Variants in CSMD3 observed in about 807,000 individuals in gnomAD.
CSMD3 encodes CUB and Sushi multiple domains 3.
A neutral mutation model predicts 435.2 loss-of-function variants in CSMD3; 177 were observed. That is an observed-to-expected ratio of 0.41 (90% CI 0.36 to 0.46). The LOEUF (loss-of-function observed/expected upper bound fraction) is 0.46. Ranked by LOEUF, CSMD3 falls within the 20% of genes least tolerant of loss-of-function variation. The pLI is 0.34. For missense variants in CSMD3, 4,265 were observed against 4,504.6 expected, an observed-to-expected ratio of 0.95 and a Z score of 1.52; for synonymous variants, 1,656 against 1,520.5, an observed-to-expected ratio of 1.09 and a Z score of -2.07.
At chr8:112,485,118 A>T (rs1300290934) in intron 31 of CSMD3, among the ~76,000 whole-genome samples, 4 of 152,164 alleles carry the variant, frequency 2.6e-5, no homozygotes, top group South Asian at 2.1e-4. Flanking sequence ...ACTGTCAGAA[A>T]AATAGCAAGT....
At chr8:112,353,105 G>A (rs1826280316) in intron 38 of CSMD3, among the ~76,000 whole-genome samples, 1 of 151,954 alleles carries the variant, frequency 6.6e-6, no homozygotes, top group Non-Finnish European at 1.5e-5. Flanking sequence ...AATCAAAAAG[G>A]AGAGGCCAAG....
intron 4 of CSMD3, among the ~76,000 whole-genome samples, chr8:113,105,201 T>C (rs908054356): frequency 1.3e-5 from 2 of 151,856 alleles, no homozygotes; most frequent in Non-Finnish European, 2.9e-5. Flanking sequence ...GAAAAATATA[T>C]ATAATAACTG....
chr8:112,794,932 A>G (rs1300239335), intron 13 of CSMD3, among the ~76,000 whole-genome samples: 1 of 152,176 alleles, frequency 6.6e-6, no homozygotes, highest in Non-Finnish European at 1.5e-5. Context: ...CTAACAAAAT[A>G]TAAGTGACCA....
intron 4 of CSMD3, among the ~76,000 whole-genome samples, chr8:113,125,969 T>G (rs553994707): frequency 6.6e-6 from 1 of 152,120 alleles, no homozygotes; most frequent in African/African-American, 2.4e-5. Context: ...AGGATAGGTA[T>G]GCATGAAAAA....
In CSMD3 at chr8:112,960,184, C is replaced by CT. The variant is rs923048760; in HGVS notation, c.1343-5424dup. 1.2e-3 allele frequency among the ~76,000 whole-genome samples: 171 copies of CT among 145,668 alleles called. 2 individuals carry two copies. Among genetic ancestry groups the CT allele is most frequent in the South Asian group, 5.9e-3 (27 of 4,614 alleles). ...GAAGTCAGCAAGTACAAAAATTTAA[C>CT]TTTTTTTTTTTTCTACATCCTGTAC... On this transcript the variant is annotated intron_variant, in intron 7 of 70. Transcript: ENST00000297405.
chr8:112,470,646 T>C (rs1586431975), intron 32 of CSMD3, among the ~76,000 whole-genome samples: 1 of 152,106 alleles, frequency 6.6e-6, no homozygotes, highest in East Asian at 1.9e-4. Flanking sequence ...ATGTATATAA[T>C]ATATATATCT....
At chr8:113,065,414 T>C (rs548025934) in intron 5 of CSMD3, among the ~76,000 whole-genome samples, 11 of 151,836 alleles carry the variant, frequency 7.2e-5, no homozygotes, top group Admixed American at 7.2e-4. Flanking sequence ...TCAGACGGAG[T>C]CTCGCTCTGT....
intron 13 of CSMD3, among the ~76,000 whole-genome samples, chr8:112,748,196 A>G (rs2077484881): frequency 6.6e-6 from 1 of 152,150 alleles, no homozygotes; most frequent in African/African-American, 2.4e-5. Flanking sequence ...CTGAGGAGAG[A>G]GAAGCTAAGT....
intron 38 of CSMD3, among the ~76,000 whole-genome samples, chr8:112,357,460 A>G (rs567941322): frequency 2.0e-5 from 3 of 152,186 alleles, no homozygotes; most frequent in African/African-American, 7.2e-5. Context: ...TCTGAGGAGA[A>G]ATTCAAGCCA....
In CSMD3 at chr8:112,829,773, A is replaced by G; in HGVS notation, c.1772T>C (p.Phe591Ser). The G allele has an allele frequency of 6.2e-7, 1 of 1,608,020 alleles. No individual in the cohort carries two copies. Among genetic ancestry groups the G allele is most frequent in the Non-Finnish European group, 8.5e-7 (1 of 1,174,636 alleles). Residue 591 changes from phenylalanine to serine, a missense_variant, in exon 12 of 71, where the codon TTT (phenylalanine) becomes TCT (serine). By Grantham distance (155) the Phe-to-Ser change is radical. This residue lies in a region of CSMD3 where 731 missense variants were observed against 755.4 expected (regional missense o/e 0.97). Transcript: ENST00000297405. ...VNTNKVIQIN[F>S]EEFDLEIGYD... The stretch of plus-strand genomic sequence containing the variant: ...GCCAATCTCCAGATCAAATTCTTCA[A>G]AATTTATCTGGATAACCTAGCAGTA...
At chr8:112,531,802 T>C (rs1356012051) in intron 27 of CSMD3, among the ~76,000 whole-genome samples, 1 of 152,112 alleles carries the variant, frequency 6.6e-6, no homozygotes, top group Non-Finnish European at 1.5e-5. Flanking sequence ...AACTCTGAAA[T>C]GCCCAGACAT....
intron 3 of CSMD3, among the ~76,000 whole-genome samples, chr8:113,224,592 G>A (rs753671406): frequency 1.3e-5 from 2 of 150,948 alleles, no homozygotes; most frequent in Admixed American, 1.3e-4. Flanking sequence ...TACATTAGAG[G>A]CAACTAAAAT....
chr8:112,585,961 G>C (rs985621999), intron 23 of CSMD3, among the ~76,000 whole-genome samples: 2 of 151,550 alleles, frequency 1.3e-5, no homozygotes, highest in East Asian at 3.9e-4. Context: ...GTTTTACATA[G>C]TGAATTTTGT....
Position 113,006,193 on chromosome 8 carries a change from G to T in CSMD3, c.1030+12874C>A, listed in dbSNP as rs759342649. Among the ~76,000 whole-genome samples the T allele has an allele frequency of 3.9e-5, 6 of 151,992 alleles. No homozygotes were observed. In the South Asian group the frequency reaches 8.3e-4, roughly 21 times the overall value. On this transcript the variant is annotated intron_variant, in intron 6 of 70. Coordinates refer to ENST00000297405, the MANE Select transcript of CSMD3 (RefSeq NM_198123.2). ...TCCAGAGATGACAGAGGCTATTTCAGTTTGTGCATACGTCCTGGATTAAAA... is the reference window on the plus strand; with the variant it reads ...TCCAGAGATGACAGAGGCTATTTCATTTTGTGCATACGTCCTGGATTAAAA...
intron 64 of CSMD3, among the ~76,000 whole-genome samples, chr8:112,246,332 G>A (rs2130141499): frequency 6.6e-6 from 1 of 152,228 alleles, no homozygotes; most frequent in East Asian, 1.9e-4. Flanking sequence ...TTCCACTCCA[G>A]CTTACTTTTT....
At position 112,651,118 on chromosome 8, in the gene CSMD3, G is replaced by A. The variant is rs113443597; in HGVS notation, c.3005-769C>T. 1.5e-3 allele frequency among the ~76,000 whole-genome samples: 227 copies of A among 152,210 alleles called. 3 individuals carry two copies. Among genetic ancestry groups the A allele is most frequent in the African/African-American group, 5.2e-3 (218 of 41,526 alleles). ...CAAATACTGCTACACATTTCTTGGG[G>A]TGCAACAATGCCCTCAGTTGAGAAC... On this transcript the variant is annotated intron_variant, in intron 18 of 70. Coordinates refer to ENST00000297405, the MANE Select transcript of CSMD3 (RefSeq NM_198123.2).
chr8:113,274,833 CAG>C (rs762202683), intron 3 of CSMD3, among the ~76,000 whole-genome samples: 24 of 129,960 alleles, frequency 1.8e-4, no homozygotes, highest in African/African-American at 2.6e-4. Context: ...CACACACACA[CAG>C]AGAGAAAGAG....
intron 20 of CSMD3, among the ~76,000 whole-genome samples, chr8:112,642,844 A>C (rs973958941): frequency 6.6e-6 from 1 of 152,212 alleles, no homozygotes; most frequent in African/African-American, 2.4e-5. Context: ...GTATTATAAC[A>C]TGGCAGCAAA....
intron 1 of CSMD3, among the ~76,000 whole-genome samples, chr8:113,352,454 TTGG>T: frequency 6.6e-6 from 1 of 152,148 alleles, no homozygotes; most frequent in Middle Eastern, 3.4e-3. Flanking sequence ...GACTTCAGAC[TTGG>T]CCTCCAGAAC....
Sources: gnomAD v4.1 joint callset for allele counts (sites outside exome capture counted in the v4.1 genomes callset) on GRCh38, gnomAD v4.1.1 for gene constraint, gnomAD v4.1.1 regional missense constraint, MANE v1.5 for transcripts, NCBI Gene and HGNC (gene_info 2026-07-23, HGNC 2026-07-21) for gene names.